Variants in TNR observed in about 807,000 individuals in gnomAD.
The protein encoded by TNR is tenascin R, also known as tenascin-R.
In TNR, 45 loss-of-function variants were observed where a neutral mutation model predicts 150.4. The observed-to-expected ratio is 0.30, with a 90% CI of 0.24 to 0.38. The LOEUF is 0.38. TNR is among the 10% of genes least tolerant of loss of function. The probability of loss-of-function intolerance (pLI) is 1.00; values close to 1 mark genes in which losing one functional copy is unlikely to be tolerated. For synonymous variants in TNR, 687 were observed against 678.4 expected (o/e 1.01, Z -0.20); for missense variants, 1,544 against 1,759.1 (o/e 0.88, Z 2.19).
intron 1 of TNR, among the ~76,000 whole-genome samples, chr1:175,665,461 T>C (rs1162127099): frequency 6.6e-6 from 1 of 152,114 alleles, no homozygotes; most frequent in African/African-American, 2.4e-5. Flanking sequence ...ACTTTTCTCA[T>C]ATTGTCCACT....
At chr1:175,741,793 G>T (rs1311782023) in intron 1 of TNR, among the ~76,000 whole-genome samples, 1 of 152,166 alleles carries the variant, frequency 6.6e-6, no homozygotes, top group African/African-American at 2.4e-5. Context: ...TGGAGAAGGG[G>T]CCCATTGTGC....
chr1:175,381,288 G>A (rs860904), intron 8 of TNR, among the ~76,000 whole-genome samples: 100,000 of 151,970 alleles, frequency 0.66, 33,053 homozygotes, highest in East Asian at 0.82. Flanking sequence ...ACTGAACTGG[G>A]GCAAAATTAA....
At chr1:175,712,534 G>C (rs1667046831) in intron 1 of TNR, among the ~76,000 whole-genome samples, 1 of 152,162 alleles carries the variant, frequency 6.6e-6, no homozygotes, top group South Asian at 2.1e-4. Context: ...ATAGGGTTTG[G>C]ATATTTGATC....
At chr1:175,645,334 T>C (rs926502071) in intron 1 of TNR, among the ~76,000 whole-genome samples, 4 of 152,176 alleles carry the variant, frequency 2.6e-5, no homozygotes, top group African/African-American at 9.7e-5. Flanking sequence ...GGATATATAG[T>C]TGATGCCACC....
At chr1:175,686,533 C>G (rs779941903) in intron 1 of TNR, among the ~76,000 whole-genome samples, 3 of 152,084 alleles carry the variant, frequency 2.0e-5, no homozygotes, top group Non-Finnish European at 4.4e-5. Flanking sequence ...AGATTTGTTA[C>G]AAGAGTATAT....
rs117916295 is a variant in TNR at position 175,571,872 on chromosome 1, T to C, written c.-164-43503A>G. ...GAGTAGGGACTGTCAAAGGCAACCC[T>C]GGCACAACCACCAGAGTCCAAGTGA... is the stretch of plus-strand genomic sequence containing the variant. On this transcript the variant is annotated intron_variant, in intron 1 of 22. Transcript: ENST00000367674. 1.7e-3 allele frequency among the ~76,000 whole-genome samples: 262 copies of C among 152,332 alleles called. 4 individuals are homozygous for C. The East Asian group carries it at 0.042, about 24-fold the overall frequency.
intron 1 of TNR, among the ~76,000 whole-genome samples, chr1:175,659,765 G>T (rs766388156): frequency 6.6e-6 from 1 of 152,160 alleles, no homozygotes; most frequent in Non-Finnish European, 1.5e-5. Context: ...TGCTCACAGA[G>T]ACCACAGCTG....
intron 2 of TNR, among the ~76,000 whole-genome samples, chr1:175,516,873 G>A (rs1659427940): frequency 6.6e-6 from 1 of 152,152 alleles, no homozygotes; most frequent in African/African-American, 2.4e-5. Flanking sequence ...GAATAAACAT[G>A]TGGACATGTG....
intron 9 of TNR, among the ~76,000 whole-genome samples, chr1:175,368,958 AAAAC>A (rs963335861): frequency 3.9e-5 from 6 of 152,172 alleles, no homozygotes; most frequent in Admixed American, 2.6e-4. Context: ...CAAAAAAACA[AAAAC>A]AAACAAACAA....
At chr1:175,495,769 A>G (rs1448881434) in intron 2 of TNR, among the ~76,000 whole-genome samples, 1 of 152,242 alleles carries the variant, frequency 6.6e-6, no homozygotes, top group Admixed American at 6.5e-5. Flanking sequence ...AGTGGTACTC[A>G]TGATATCAGA....
chr1:175,704,918 T>C lies in TNR; in HGVS notation c.-165+38308A>G, dbSNP rs1439463058. 7.2e-5 allele frequency among the ~76,000 whole-genome samples: 11 copies of C among 152,232 alleles called. No individual in the cohort carries two copies. In the East Asian group the frequency reaches 1.7e-3, roughly 24 times the overall value. On this transcript the variant is annotated intron_variant, in intron 1 of 22. Transcript: ENST00000367674. ...TAATTTCCTTTAAGTTCCTATGCAG[T>C]GTGTCTGGGCAGGGGAGGGAAGTGA...
intron 2 of TNR, among the ~76,000 whole-genome samples, chr1:175,455,679 T>C (rs1266759911): frequency 6.6e-6 from 1 of 151,964 alleles, no homozygotes; most frequent in Non-Finnish European, 1.5e-5. Flanking sequence ...TTGTTTGGAG[T>C]TCACCAGCAG....
intron 2 of TNR, among the ~76,000 whole-genome samples, chr1:175,491,797 C>T (rs1402957592): frequency 6.6e-6 from 1 of 151,892 alleles, no homozygotes; most frequent in Non-Finnish European, 1.5e-5. Context: ...CTATAGGCAC[C>T]CACCACCACA....
intron 9 of TNR, among the ~76,000 whole-genome samples, chr1:175,367,626 C>T (rs1045712053): frequency 6.6e-6 from 1 of 152,128 alleles, no homozygotes; most frequent in Non-Finnish European, 1.5e-5. Flanking sequence ...TTGGCTTGAA[C>T]CAGCGAGAGG....
At chr1:175,688,046 C>T (rs1486920845) in intron 1 of TNR, among the ~76,000 whole-genome samples, 2 of 152,256 alleles carry the variant, frequency 1.3e-5, no homozygotes, top group African/African-American at 4.8e-5. Context: ...CTCCCCTTCT[C>T]CCCAGCCTCC....
At chr1:175,462,121 T>C (rs1040272620) in intron 2 of TNR, among the ~76,000 whole-genome samples, 3 of 152,230 alleles carry the variant, frequency 2.0e-5, no homozygotes, top group Non-Finnish European at 2.9e-5. Flanking sequence ...GTTGCTCTGC[T>C]CACTTTCTCC....
intron 1 of TNR, among the ~76,000 whole-genome samples, chr1:175,689,928 A>G (rs1359565407): frequency 1.3e-5 from 2 of 152,192 alleles, no homozygotes; most frequent in Non-Finnish European, 2.9e-5. Flanking sequence ...TTGTGAATCA[A>G]TAATAGGCAA....
At chr1:175,467,470 G>A (rs1451698743) in intron 2 of TNR, among the ~76,000 whole-genome samples, 1 of 152,186 alleles carries the variant, frequency 6.6e-6, no homozygotes, top group Non-Finnish European at 1.5e-5. Context: ...CTTTAAAAGA[G>A]GACAGAAGAA....
chr1:175,609,503 G>C (rs1458314589), intron 1 of TNR, among the ~76,000 whole-genome samples: 1 of 152,184 alleles, frequency 6.6e-6, no homozygotes, highest in Non-Finnish European at 1.5e-5. Flanking sequence ...AGAGACTAGA[G>C]GGTTTTATAA....
Sources: gnomAD v4.1 joint callset for allele counts (sites outside exome capture counted in the v4.1 genomes callset) on GRCh38, gnomAD v4.1.1 for gene constraint, MANE v1.5 for transcripts, NCBI Gene and HGNC (gene_info 2026-07-23, HGNC 2026-07-21) for gene names.